Variants in DLGAP2 observed in about 807,000 individuals in gnomAD.
The protein encoded by DLGAP2 is DLG associated protein 2.
Under a neutral mutation model 100.3 loss-of-function variants are expected in DLGAP2, and 26 were observed. That is an observed-to-expected ratio of 0.26 (90% CI 0.19 to 0.36). The LOEUF (loss-of-function observed/expected upper bound fraction) is 0.36, where lower values mean the gene tolerates loss of function less well. Among genes scored for constraint, DLGAP2 ranks in the 10% least tolerant of loss-of-function variants. The pLI, the probability that DLGAP2 is intolerant of heterozygous loss-of-function variation, is 1.00. For missense variants in DLGAP2, 1,858 were observed against 1,453.2 expected, an observed-to-expected ratio of 1.28 and a Z score of -4.53; for synonymous variants, 886 against 630.1, an observed-to-expected ratio of 1.41 and a Z score of -6.08.
intron 2 of DLGAP2, among the ~76,000 whole-genome samples, chr8:1,124,499 A>G (rs950957747): frequency 1.3e-5 from 2 of 152,246 alleles, no homozygotes; most frequent in Non-Finnish European, 1.5e-5. Flanking sequence ...CTATGTTTCT[A>G]TTTTTATTAC....
intron 3 of DLGAP2, among the ~76,000 whole-genome samples, chr8:1,299,526 T>C (rs1206052301): frequency 6.6e-6 from 1 of 152,216 alleles, no homozygotes; most frequent in Non-Finnish European, 1.5e-5. Context: ...GGAGGAACGG[T>C]CCATGCCAAC....
At chr8:859,250 C>G (rs2128989449) in intron 1 of DLGAP2, among the ~76,000 whole-genome samples, 1 of 152,012 alleles carries the variant, frequency 6.6e-6, no homozygotes, top group Non-Finnish European at 1.5e-5. Context: ...TAGCTGGGAT[C>G]ACAGGCGCAC....
chr8:920,705 C>T (rs572655473), intron 2 of DLGAP2, among the ~76,000 whole-genome samples: 81 of 152,286 alleles, frequency 5.3e-4, no homozygotes, highest in African/African-American at 1.9e-3. Context: ...GAACCATGAT[C>T]GTGCTTGGGC....
At chr8:1,048,725 C>G (rs1403056073) in intron 2 of DLGAP2, among the ~76,000 whole-genome samples, 2 of 151,962 alleles carry the variant, frequency 1.3e-5, no homozygotes, top group Non-Finnish European at 2.9e-5. Context: ...GGAACTGGGG[C>G]TGCGGTGGGC....
intron 3 of DLGAP2, among the ~76,000 whole-genome samples, chr8:1,356,853 G>C (rs1343561551): frequency 1.3e-5 from 2 of 152,198 alleles, no homozygotes; most frequent in African/African-American, 2.4e-5. Context: ...AAGGATAACA[G>C]CCAAGCCCGC....
chr8:1,633,129 A>G lies in DLGAP2; in HGVS notation c.1810+83A>G, dbSNP rs1312224249. On this transcript the variant is annotated intron_variant, in intron 8 of 14. Coordinates refer to ENST00000637795, the MANE Select transcript of DLGAP2 (RefSeq NM_001346810.2). ...ATCCTAGAAGGAGCGAGCAGCACAC[A>G]GCACCACAGTACAATGTACTCTCCT... The G allele has an allele frequency of 2.2e-6, 3 of 1,339,920 alleles. No individual in the cohort carries two copies. The East Asian group carries it at 7.0e-5, about 31-fold the overall frequency. The allele number at this position is 1,339,920 out of a possible 1,614,324, so 83.0% of individuals were successfully genotyped here. A position where few individuals can be genotyped will look rare whatever the true frequency, so the allele number is the denominator to read the frequency against.
chr8:1,669,606 G>A, intron 9 of DLGAP2, 137 bp from the exon 10 acceptor site: 2 of 698,208 alleles, frequency 2.9e-6, no homozygotes, highest in Admixed American at 2.2e-5. Context: ...AGGGAGGAGG[G>A]TGAGTGGAGC....
intron 4 of DLGAP2, among the ~76,000 whole-genome samples, chr8:1,513,961 T>C (rs944656727): frequency 6.6e-6 from 1 of 152,210 alleles, no homozygotes; most frequent in Non-Finnish European, 1.5e-5. Context: ...GATTGAGATG[T>C]TGAACTGAAA....
At chr8:1,145,151 A>G (rs962261819) in intron 2 of DLGAP2, among the ~76,000 whole-genome samples, 4 of 152,222 alleles carry the variant, frequency 2.6e-5, no homozygotes, top group African/African-American at 9.6e-5. Context: ...ATGGAGACAG[A>G]CAAAGCAACC....
chr8:1,463,073 C>T (rs955592498), intron 3 of DLGAP2, among the ~76,000 whole-genome samples: 1 of 152,006 alleles, frequency 6.6e-6, no homozygotes, highest in Non-Finnish European at 1.5e-5. Flanking sequence ...AAATGGTGAG[C>T]CCCCATCTCT....
chr8:1,276,023 A>G (rs1799686143), intron 3 of DLGAP2, among the ~76,000 whole-genome samples: 1 of 136,766 alleles, frequency 7.3e-6, no homozygotes, highest in Non-Finnish European at 1.5e-5. Flanking sequence ...TAGAATATAT[A>G]AATAAATATA....
Position 1,163,606 on chromosome 8 carries a change from C to G in DLGAP2, c.74-95245C>G, listed in dbSNP as rs575610336. On this transcript the variant is annotated intron_variant, in intron 2 of 14. Transcript: ENST00000637795. Reference sequence around the variant, plus strand: ...GTGAGCCAAGAACGCGGTTGTGTAACTGACCCCGGAAGCGCAGGGCCCGGG... The same window carrying G: ...GTGAGCCAAGAACGCGGTTGTGTAAGTGACCCCGGAAGCGCAGGGCCCGGG... 4.6e-5 allele frequency among the ~76,000 whole-genome samples: 7 copies of G among 152,344 alleles called. No homozygotes were observed. The East Asian group carries it at 1.4e-3, about 29-fold the overall frequency.
chr8:1,225,767 C>T (rs1798401258), intron 2 of DLGAP2, among the ~76,000 whole-genome samples: 1 of 152,108 alleles, frequency 6.6e-6, no homozygotes, highest in Non-Finnish European at 1.5e-5. Context: ...GGACTAAGTT[C>T]AAGACATCTA....
chr8:892,378 C>G (rs548188910), intron 1 of DLGAP2, among the ~76,000 whole-genome samples: 42 of 152,216 alleles, frequency 2.8e-4, no homozygotes, highest in African/African-American at 9.9e-4. Flanking sequence ...CAAAGAGGAA[C>G]GAAATCCCGA....
chr8:1,580,287 G>C (rs1304405833), intron 6 of DLGAP2, among the ~76,000 whole-genome samples: 1 of 152,194 alleles, frequency 6.6e-6, no homozygotes. Flanking sequence ...AGAACTCTAA[G>C]AAAGAGGCAG....
intron 1 of DLGAP2, among the ~76,000 whole-genome samples, chr8:863,655 C>T (rs899739859): frequency 1.3e-5 from 2 of 152,156 alleles, no homozygotes; most frequent in Non-Finnish European, 2.9e-5. Flanking sequence ...CGGGGAGATA[C>T]AAATCAAAAC....
chr8:1,624,532 C>G (rs1462285827), intron 6 of DLGAP2, among the ~76,000 whole-genome samples: 2 of 151,792 alleles, frequency 1.3e-5, no homozygotes, highest in Non-Finnish European at 2.9e-5. Flanking sequence ...GAGCCTGAAA[C>G]TTGTGACCGT....
intron 2 of DLGAP2, among the ~76,000 whole-genome samples, chr8:979,699 C>G (rs1210350456): frequency 6.6e-6 from 1 of 152,196 alleles, no homozygotes. Context: ...GCATGGCTAT[C>G]CACCCAAAAT....
At chr8:1,656,897 G>A (rs554567261) in intron 8 of DLGAP2, among the ~76,000 whole-genome samples, 4 of 152,114 alleles carry the variant, frequency 2.6e-5, no homozygotes, top group Middle Eastern at 6.8e-3. Context: ...CAACTTATGC[G>A]ATCCCTGTGA....
Sources: gnomAD v4.1 joint callset for allele counts (sites outside exome capture counted in the v4.1 genomes callset) on GRCh38, gnomAD v4.1.1 for gene constraint, MANE v1.5 for transcripts, NCBI Gene and HGNC (gene_info 2026-07-23, HGNC 2026-07-21) for gene names.